Variants in DNM3 observed in about 807,000 individuals in gnomAD.
The protein encoded by DNM3 is dynamin 3.
In DNM3, 47 loss-of-function variants were observed where a neutral mutation model predicts 101.6. That is an observed-to-expected ratio of 0.46 (90% confidence interval 0.37 to 0.59). The LOEUF is 0.59. Among genes scored for constraint, DNM3 ranks in the 20% least tolerant of loss-of-function variants. The pLI, the probability that DNM3 is intolerant of heterozygous loss-of-function variation, is 0.00. For synonymous variants in DNM3, 385 were observed against 387.9 expected, an observed-to-expected ratio of 0.99 and a Z score of 0.09; for missense variants, 849 against 1,085.7, an observed-to-expected ratio of 0.78 and a Z score of 3.06.
chr1:172,336,120 A>C (rs538893551), intron 17 of DNM3, among the ~76,000 whole-genome samples: 1 of 152,244 alleles, frequency 6.6e-6, no homozygotes, highest in South Asian at 2.1e-4. Flanking sequence ...GATGCTGCTA[A>C]ACACCCTATA....
At chr1:172,210,536 G>A (rs2060479597) in intron 14 of DNM3, among the ~76,000 whole-genome samples, 1 of 151,968 alleles carries the variant, frequency 6.6e-6, no homozygotes, top group Non-Finnish European at 1.5e-5. Context: ...TGGAACTTAA[G>A]ATGCCTAAAG....
At chr1:172,369,840 T>C (rs552956313) in intron 17 of DNM3, among the ~76,000 whole-genome samples, 1 of 152,082 alleles carries the variant, frequency 6.6e-6, no homozygotes, top group African/African-American at 2.4e-5. Context: ...AATGTATTTT[T>C]CACAATTCTA....
intron 13 of DNM3, chr1:172,093,657 T>C: frequency 6.3e-7 from 1 of 1,575,950 alleles, no homozygotes; most frequent in South Asian, 1.2e-5. Context: ...TTAAAAACTT[T>C]TTTTCTGAAC....
intron 2 of DNM3, among the ~76,000 whole-genome samples, chr1:171,951,519 T>C (rs1408525973): frequency 2.6e-5 from 4 of 152,214 alleles, no homozygotes; most frequent in Non-Finnish European, 4.4e-5. Context: ...TATCTAATTG[T>C]TTTCTCTAGT....
At chr1:172,198,642 AGGATGTAT>A (rs1303925445) in intron 14 of DNM3, among the ~76,000 whole-genome samples, 1 of 151,926 alleles carries the variant, frequency 6.6e-6, no homozygotes, top group Non-Finnish European at 1.5e-5. Flanking sequence ...TGAGTATTAG[AGGATGTAT>A]GTGTCCAGGA....
intron 14 of DNM3, among the ~76,000 whole-genome samples, chr1:172,189,999 G>A (rs967191742): frequency 1.4e-5 from 2 of 147,352 alleles, no homozygotes; most frequent in Non-Finnish European, 3.0e-5. Context: ...TCCAACATTG[G>A]GAATCACATT....
At chr1:171,997,706 C>T (rs1379110578) in intron 4 of DNM3, among the ~76,000 whole-genome samples, 1 of 152,138 alleles carries the variant, frequency 6.6e-6, no homozygotes, top group African/African-American at 2.4e-5. Flanking sequence ...CAGCAAAATG[C>T]TCCTGGTCAG....
At chr1:172,087,208 T>C (rs2147782662) in intron 12 of DNM3, among the ~76,000 whole-genome samples, 2 of 152,264 alleles carry the variant, frequency 1.3e-5, no homozygotes, top group South Asian at 4.1e-4. Context: ...TTCCACTCTC[T>C]CCTGGTTTTC....
chr1:172,088,128 G>T (rs79807508), intron 12 of DNM3, among the ~76,000 whole-genome samples: 1,532 of 152,302 alleles, frequency 0.01, 23 homozygotes, highest in African/African-American at 0.033. Flanking sequence ...GGTAATGTCA[G>T]TGATGAGAGA....
chr1:172,243,896 G>T (rs1207523176), intron 14 of DNM3, among the ~76,000 whole-genome samples: 1 of 151,818 alleles, frequency 6.6e-6, no homozygotes, highest in Non-Finnish European at 1.5e-5. Context: ...TTAAGTTTTA[G>T]GGTACATGTG....
chr1:172,359,577 G>T (rs781498283), intron 17 of DNM3, among the ~76,000 whole-genome samples: 6 of 151,026 alleles, frequency 4.0e-5, no homozygotes, highest in Non-Finnish European at 5.9e-5. Flanking sequence ...AAAGCTTCTG[G>T]TGTATATGCC....
At chr1:172,015,706 A>G (rs1572094797) in intron 4 of DNM3, among the ~76,000 whole-genome samples, 1 of 152,282 alleles carries the variant, frequency 6.6e-6, no homozygotes, top group Non-Finnish European at 1.5e-5. Context: ...TAATTATGTC[A>G]TCTGTGAGCA....
At chr1:172,056,100 G>A (rs533684611) in intron 10 of DNM3, among the ~76,000 whole-genome samples, 2 of 152,266 alleles carry the variant, frequency 1.3e-5, no homozygotes, top group African/African-American at 4.8e-5. Context: ...CTGGAAAATC[G>A]GGTCACTCCC....
At chr1:171,903,037 C>T (rs1346562911) in intron 1 of DNM3, among the ~76,000 whole-genome samples, 1 of 151,958 alleles carries the variant, frequency 6.6e-6, no homozygotes, top group Non-Finnish European at 1.5e-5. Flanking sequence ...GCCAAATAGT[C>T]CCAGCTATTT....
intron 14 of DNM3, among the ~76,000 whole-genome samples, chr1:172,159,215 T>C (rs2058455973): frequency 6.6e-6 from 1 of 152,044 alleles, no homozygotes; most frequent in South Asian, 2.1e-4. Flanking sequence ...AAAAAAGCCG[T>C]CTATGGAAAA....
intron 14 of DNM3, among the ~76,000 whole-genome samples, chr1:172,197,858 G>C (rs1041177607): frequency 1.3e-5 from 2 of 151,620 alleles, no homozygotes; most frequent in African/African-American, 4.9e-5. Flanking sequence ...TCTGCCAATA[G>C]AGACAGTTTG....
At chr1:172,313,202 G>T (rs1446126522) in intron 16 of DNM3, among the ~76,000 whole-genome samples, 1 of 152,044 alleles carries the variant, frequency 6.6e-6, no homozygotes, top group Non-Finnish European at 1.5e-5. Flanking sequence ...AAATATGTAG[G>T]ACTTTATCCA....
intron 14 of DNM3, among the ~76,000 whole-genome samples, chr1:172,195,945 G>A (rs2059932139): frequency 6.6e-6 from 1 of 151,320 alleles, no homozygotes; most frequent in Non-Finnish European, 1.5e-5. Flanking sequence ...AACATATGAA[G>A]GTTTGTTACG....
At chr1:171,949,617 T>C (rs560236327) in intron 2 of DNM3, among the ~76,000 whole-genome samples, 2 of 151,900 alleles carry the variant, frequency 1.3e-5, no homozygotes, top group East Asian at 3.9e-4. Context: ...GGTCTTGCCA[T>C]GTTGCCAGGG....
Sources: allele counts gnomAD v4.1 joint callset (sites outside exome capture counted in the v4.1 genomes callset), GRCh38; gene constraint gnomAD v4.1.1; transcripts MANE v1.5; gene names NCBI Gene and HGNC (gene_info 2026-07-23, HGNC 2026-07-21).